The following MUC12 variants were observed in gnomAD, a reference collection of about 807,000 sequenced individuals.
MUC12 encodes the protein mucin 12, cell surface associated.
A neutral mutation model predicts 230.8 loss-of-function variants in MUC12; 172 were observed. The ratio of observed to expected loss-of-function variants is 0.75; its 90% CI spans 0.66 to 0.85. MUC12 has a LOEUF of 0.85. Among genes scored for constraint, MUC12 ranks in the 40% least tolerant of loss-of-function variants. The probability of loss-of-function intolerance (pLI) is 0.00; values close to 1 mark genes in which losing one functional copy is unlikely to be tolerated. For missense variants in MUC12, 3,506 were observed against 5,920.6 expected, an observed-to-expected ratio of 0.59 and a Z score of 13.38; for synonymous variants, 1,259 against 2,401.9, an observed-to-expected ratio of 0.52 and a Z score of 13.91.
intron 6 of MUC12, 52 bp downstream of exon 6, chr7:101,012,499 C>T: frequency 6.6e-7 from 1 of 1,503,968 alleles, no homozygotes; most frequent in South Asian, 1.2e-5. Flanking sequence ...GAGATCGTGA[C>T]CTTGACCTCT....
At position 100,993,370 on chromosome 7, in the gene MUC12, C is replaced by G. The variant is rs1387669585; in HGVS notation, c.2807C>G (p.Thr936Arg). 12 of 1,033,804 alleles carry G rather than the reference C, an allele frequency of 1.2e-5. 5 individuals carry two copies. The highest frequency in any genetic ancestry group is 1.6e-5 in the Non-Finnish European group (12 of 766,506). The allele number at this position is 1,033,804 out of a possible 1,614,324, so 64.0% of individuals were successfully genotyped here. A position where few individuals can be genotyped will look rare whatever the true frequency, so the allele number is the denominator to read the frequency against. The change falls in exon 2 of 12, where the codon ACA becomes AGA. Residue 936 changes from threonine to arginine, a missense_variant. Coordinates refer to ENST00000536621, the MANE Select transcript of MUC12 (RefSeq NM_001164462.2). ...GCCTTATCCTTTGGTCAAGAATCTACAACCTTCCACAGCAACCCAGGCTCC... is the reference window on the plus strand; with the variant it reads ...GCCTTATCCTTTGGTCAAGAATCTAGAACCTTCCACAGCAACCCAGGCTCC... ...TTALSFGQES[T>R]TFHSNPGSTH...
At chr7:101,006,596 C>A in intron 3 of MUC12, 24 bp downstream of exon 3, 2 of 1,442,986 alleles carry the variant, frequency 1.4e-6, no homozygotes, top group Non-Finnish European at 1.9e-6. Context: ...CTGAGACCTG[C>A]AGCTCTTTGC....
chr7:100,972,535 C>T (rs1792929618), intron 1 of MUC12, among the ~76,000 whole-genome samples: 1 of 24,340 alleles, frequency 4.1e-5, no homozygotes, highest in Non-Finnish European at 1.0e-4. Context: ...AGACAGTCTC[C>T]TCTGTCACCC....
At chr7:101,006,925 T>G (rs185453325) in intron 3 of MUC12, among the ~76,000 whole-genome samples, 69 of 152,298 alleles carry the variant, frequency 4.5e-4, no homozygotes, top group Non-Finnish European at 4.4e-5. Context: ...ACCTTTATGT[T>G]ACAAACAATC....
In MUC12 at chr7:100,993,116, C is replaced by G. The variant is rs1214273207; in HGVS notation, c.2553C>G (p.Ser851=). ...STTSSGVSEE[S]TTSRSRPGST... is the part of the protein sequence containing the mutation. ...CAAGCTCAGGCGTCAGTGAAGAATC[C>G]ACCACCTCCCGCAGCCGACCAGGCT... Residue 851 remains serine, a synonymous_variant, in exon 2 of 12, where the codon TCC becomes TCG. Transcript: ENST00000536621. 1 of 1,514,346 alleles carries G rather than the reference C, an allele frequency of 6.6e-7. No individual in the cohort carries two copies. Among genetic ancestry groups the G allele is most frequent in the Non-Finnish European group, 8.8e-7 (1 of 1,140,474 alleles). 93.8% of individuals were successfully genotyped at this position (1,514,346 alleles called of 1,614,324 possible). A position where few individuals can be genotyped will look rare whatever the true frequency, so the allele number is the denominator to read the frequency against.
intron 1 of MUC12, among the ~76,000 whole-genome samples, chr7:100,979,691 G>T (rs1038568175): frequency 6.6e-6 from 1 of 152,004 alleles, no homozygotes; most frequent in East Asian, 1.9e-4. Context: ...CAGGAGAATC[G>T]CTTGAACCTG....
chr7:100,989,096 C>CTTTTTTTT (rs201150884), intron 1 of MUC12, among the ~76,000 whole-genome samples: 1 of 134,960 alleles, frequency 7.4e-6, no homozygotes. Context: ...TCTTCCTCTT[C>CTTTTTTTT]TTCTTTTTTT....
intron 9 of MUC12, 150 bp downstream of exon 9, chr7:101,014,224 C>A: frequency 1.1e-6 from 1 of 878,684 alleles, no homozygotes; most frequent in Non-Finnish European, 1.6e-6. Flanking sequence ...CCCTCCCAGC[C>A]CTGGGTGCAG....
chr7:101,008,702 A>T lies in MUC12; in HGVS notation c.15127A>T (p.Lys5043Ter), dbSNP rs1305488931. The change falls in exon 4 of 12, where the codon AAG (lysine) becomes TAG (stop). Residue 5043 changes from lysine (K) to a stop codon, truncating the protein, a stop_gained. Transcript: ENST00000536621. LOFTEE classifies it high-confidence loss of function. Reference protein sequence around the residue: ...VKVTYRNFTEKMNDASSQEYQ... With the variant: ...VKVTYRNFTE Reference sequence around the variant, plus strand: ...AGTGACTTACAGAAATTTCACAGAAAAGATGAATGACGCATCCTCCCAGGA... The same window carrying T: ...AGTGACTTACAGAAATTTCACAGAATAGATGAATGACGCATCCTCCCAGGA... The T allele has an allele frequency of 6.5e-7, 1 of 1,537,312 alleles. No individual in the cohort carries two copies. Among genetic ancestry groups the T allele is most frequent in the Non-Finnish European group, 8.7e-7 (1 of 1,146,926 alleles).
intron 3 of MUC12, 66 bp downstream of exon 3, chr7:101,006,638 G>C: frequency 9.0e-7 from 1 of 1,109,672 alleles, no homozygotes. Context: ...CAGCATGGCA[G>C]TGTTGGAAGG....
At position 101,002,800 on chromosome 7, in the gene MUC12, T is replaced by A. The variant is rs543915462; in HGVS notation, c.12237T>A (p.Thr4079=). 64 of 1,177,842 alleles carry A rather than the reference T, an allele frequency of 5.4e-5. 3 individuals carry two copies. In the African/African-American group the frequency reaches 8.3e-4, roughly 15 times the overall value. The allele number at this position is 1,177,842 out of a possible 1,614,324, so 73.0% of individuals were successfully genotyped here. A position where few individuals can be genotyped will look rare whatever the true frequency, so the allele number is the denominator to read the frequency against. ...CTGGCCTTCAGGAAGAATCTACCAC[T>A]TTCCAGAGCTGGCCAAGCTCAAGTG... ...TSTGLQEEST[T]FQSWPSSSDT... is the part of the protein sequence containing the mutation. Residue 4079 remains threonine, a synonymous_variant, in exon 2 of 12, where the codon ACT becomes ACA. Transcript: ENST00000536621.
At chr7:100,976,582 C>T (rs900020789) in intron 1 of MUC12, among the ~76,000 whole-genome samples, 10 of 146,460 alleles carry the variant, frequency 6.8e-5, no homozygotes, top group Non-Finnish European at 1.2e-4. Flanking sequence ...CCAGCCTGGG[C>T]GACAGAGCGA....
rs1365984997 is a variant in MUC12, at chr7:101,002,788, A to T, written c.12225A>T (p.Glu4075Asp). 1 of 1,178,566 alleles carries T rather than the reference A, an allele frequency of 8.5e-7. No individual in the cohort carries two copies. The highest frequency in any genetic ancestry group is 1.2e-6 in the Non-Finnish European group (1 of 846,324). The allele number at this position is 1,178,566 out of a possible 1,614,324, so 73.0% of individuals were successfully genotyped here. A position where few individuals can be genotyped will look rare whatever the true frequency, so the allele number is the denominator to read the frequency against. ...GCTCCACAAGCACTGGCCTTCAGGA[A>T]GAATCTACCACTTTCCAGAGCTGGC... ...PASSTSTGLQ[E>D]ESTTFQSWPS... Residue 4075 changes from glutamate (E) to aspartate (D), a missense_variant, in exon 2 of 12, where the codon GAA becomes GAT. Glu to Asp is a conservative substitution (Grantham distance 45). Transcript: ENST00000536621.
intron 5 of MUC12, 123 bp downstream of exon 5, chr7:101,009,282 C>T (rs950950753): frequency 1.4e-5 from 13 of 947,278 alleles, no homozygotes; most frequent in Admixed American, 6.2e-5. Flanking sequence ...GTCCTGCAGC[C>T]GCTAGGGAAC....
intron 9 of MUC12, 160 bp downstream of exon 9, chr7:101,014,234 G>C: frequency 1.4e-6 from 1 of 723,490 alleles, no homozygotes; most frequent in East Asian, 3.0e-5. Flanking sequence ...CCTGGGTGCA[G>C]CAAAGGGCGG....
In MUC12 at chr7:100,991,339, C is replaced by A. The variant is rs1487467234; in HGVS notation, c.776C>A (p.Pro259Gln). 6.5e-7 allele frequency: 1 copy of A among 1,537,682 alleles called. No homozygotes were observed. Residue 259 changes from proline to glutamine, a missense_variant, in exon 2 of 12, where the codon CCA (proline) becomes CAA (glutamine). Transcript: ENST00000536621. ...STPVHSSTGS[P>Q]HTTLSPSSST... ...CCCGTCCACAGCAGCACTGGATCGCCACACACAACACTGTCCCCTTCCAGC... is the reference window on the plus strand; with the variant it reads ...CCCGTCCACAGCAGCACTGGATCGCAACACACAACACTGTCCCCTTCCAGC...
intron 10 of MUC12, 140 bp downstream of exon 10, chr7:101,015,831 G>A (rs1379160527): frequency 1.7e-5 from 12 of 706,074 alleles, no homozygotes; most frequent in African/African-American, 3.6e-5. Flanking sequence ...CCTACCTGCC[G>A]CTGCAGCCCC....
intron 1 of MUC12, among the ~76,000 whole-genome samples, chr7:100,971,900 C>T (rs118078772): frequency 0.017 from 2,568 of 151,256 alleles, no homozygotes; most frequent in South Asian, 0.16. Flanking sequence ...GTGTTAGAGA[C>T]GGCCCCCAAG....
rs1381403332 is a variant in MUC12, at chr7:101,005,237, T to C, written c.14674T>C (p.Leu4892=). ...PDSPGFTHTV[L]PATLTTTDIG... Reference sequence around the variant, plus strand: ...CAGCCCAGGCTTCACTCACACAGTGTTACCTGCCACCCTCACAACCACAGA... The same window carrying C: ...CAGCCCAGGCTTCACTCACACAGTGCTACCTGCCACCCTCACAACCACAGA... Residue 4892 remains leucine (L), a synonymous_variant, in exon 2 of 12, where the codon TTA becomes CTA. Transcript: ENST00000536621. 12 of 1,537,738 alleles carry C rather than the reference T, an allele frequency of 7.8e-6. No individual in the cohort carries two copies. The Admixed American group carries it at 2.2e-4, about 28-fold the overall frequency.
Sources: gnomAD v4.1 joint callset for allele counts (sites outside exome capture counted in the v4.1 genomes callset) on GRCh38, gnomAD v4.1.1 for gene constraint, MANE v1.5 for transcripts, NCBI Gene and HGNC (gene_info 2026-07-23, HGNC 2026-07-21) for gene names.